The following KASH5 variants were observed in gnomAD, a reference collection of about 807,000 sequenced individuals.
The protein encoded by KASH5 is protein KASH5.
Under a neutral mutation model 84.2 loss-of-function variants are expected in KASH5, and 72 were observed. The ratio of observed to expected loss-of-function variants is 0.85; its 90% confidence interval spans 0.71 to 1.04. The LOEUF (loss-of-function observed/expected upper bound fraction) is 1.04, where lower values mean the gene tolerates loss of function less well. Among genes scored for constraint, KASH5 ranks in the 50% least tolerant of loss-of-function variants. The pLI is 0.00. For synonymous variants in KASH5, 260 were observed against 279.1 expected (o/e 0.93, Z 0.68); for missense variants, 650 against 701.0 (o/e 0.93, Z 0.82).
At position 49,407,263 on chromosome 19, in the gene KASH5, C is replaced by A. The variant is rs759541524; in HGVS notation, c.900C>A (p.His300Gln). The A allele has an allele frequency of 1.9e-6, 3 of 1,613,754 alleles. No individual in the cohort carries two copies. Among genetic ancestry groups the A allele is most frequent in the Non-Finnish European group, 2.5e-6 (3 of 1,179,842 alleles). Residue 300 changes from histidine (H) to glutamine (Q), a missense_variant, in exon 11 of 20, where the codon CAC (histidine) becomes CAA (glutamine). By Grantham distance (24) the His-to-Gln change is conservative. Transcript: ENST00000447857. ...TLKRQLFECEHLICQRDTILS... is the reference protein window; with the variant it reads ...TLKRQLFECEQLICQRDTILS... ...AGCGGCAGCTCTTTGAGTGTGAACACCTCATTTGCCAAAGAGACACCATCC... is the reference window on the plus strand; with the variant it reads ...AGCGGCAGCTCTTTGAGTGTGAACAACTCATTTGCCAAAGAGACACCATCC...
chr19:49,407,191 AG>A, intron 10 of KASH5, 48 bp from the exon 11 acceptor site: 1 of 1,601,102 alleles, frequency 6.2e-7, no homozygotes, highest in Non-Finnish European at 8.6e-7. Flanking sequence ...GGCAGGACCA[AG>A]GGGAGTCCTG....
In KASH5 at chr19:49,406,788, G is replaced by A. The variant is rs150727884; in HGVS notation, c.799-98G>A. The A allele has an allele frequency of 6.3e-4, 659 of 1,042,792 alleles. 3 individuals carry two copies. The African/African-American group carries it at 9.2e-3, about 15-fold the overall frequency. 64.6% of individuals were successfully genotyped at this position (1,042,792 alleles called of 1,614,324 possible). A position where few individuals can be genotyped will look rare whatever the true frequency, so the allele number is the denominator to read the frequency against. The stretch of plus-strand genomic sequence containing the variant: ...AAACATATGAAGTGCTTAGCATGAG[G>A]CCTGATGTATATCAATCAAGTGTTT... On this transcript the variant is annotated intron_variant, in intron 9 of 19. Coordinates refer to ENST00000447857, the MANE Select transcript of KASH5 (RefSeq NM_144688.5).
intron 14 of KASH5, 80 bp from the exon 15 acceptor site, chr19:49,409,673 C>T: frequency 6.3e-7 from 1 of 1,583,406 alleles, no homozygotes; most frequent in Non-Finnish European, 8.7e-7. Context: ...CAGCCGCACA[C>T]CTAAACCTAT....
At chr19:49,406,630 C>T (rs549315927) in intron 9 of KASH5, among the ~76,000 whole-genome samples, 6 of 152,216 alleles carry the variant, frequency 3.9e-5, no homozygotes, top group Non-Finnish European at 7.3e-5. Context: ...CCGCCTCAGC[C>T]TCCCAAAGTG....
At chr19:49,403,416 G>A (rs1208951032) in intron 9 of KASH5, among the ~76,000 whole-genome samples, 1 of 151,888 alleles carries the variant, frequency 6.6e-6, no homozygotes, top group African/African-American at 2.4e-5. Flanking sequence ...TGCCCCTCTC[G>A]TGGCTCCTTT....
In KASH5 at chr19:49,399,280, A is replaced by G; in HGVS notation, c.747+138A>G. On this transcript the variant is annotated intron_variant, in intron 8 of 19. Coordinates refer to ENST00000447857, the MANE Select transcript of KASH5 (RefSeq NM_144688.5). This position sits in a 1 kb window ranked among gnomAD's most constrained non-coding sequence, Gnocchi z 4.4. ...CCTCTCTCCAGGCCCTGCTCACCCTAGACTTTTTCAAGCTTACCTGCCATC... is the reference window on the plus strand; with the variant it reads ...CCTCTCTCCAGGCCCTGCTCACCCTGGACTTTTTCAAGCTTACCTGCCATC... 3.1e-6 allele frequency: 3 copies of G among 953,684 alleles called. No individual in the cohort carries two copies. Among genetic ancestry groups the G allele is most frequent in the South Asian group, 1.6e-5 (1 of 60,750 alleles). 59.1% of individuals were successfully genotyped at this position (953,684 alleles called of 1,614,324 possible).
chr19:49,391,068 G>T (rs920901656), intron 2 of KASH5, 142 bp downstream of exon 2: 2 of 880,694 alleles, frequency 2.3e-6, no homozygotes, highest in Non-Finnish European at 3.5e-6. Flanking sequence ...GGAAGGGAGG[G>T]AAGGGACTCT....
intron 9 of KASH5, among the ~76,000 whole-genome samples, chr19:49,403,997 G>C (rs1974448114): frequency 6.6e-6 from 1 of 152,246 alleles, no homozygotes; most frequent in Non-Finnish European, 1.5e-5. Flanking sequence ...CTACAGAGCT[G>C]TCTCAGGTTA....
intron 1 of KASH5, chr19:49,389,545 C>A (rs925932984): frequency 6.6e-6 from 1 of 152,460 alleles, no homozygotes; most frequent in Admixed American, 6.5e-5. Flanking sequence ...CCATCGCCCC[C>A]CTTTGCACCC....
In KASH5 at chr19:49,416,234, C is replaced by G. The variant is rs892400309; in HGVS notation, c.1375-781C>G. Reference sequence around the variant, plus strand: ...TTTGAGATGGAGTCTTGCTCTGTCGCCAGGCTGGAGTGCAGTGGTGCGATC... The same window carrying G: ...TTTGAGATGGAGTCTTGCTCTGTCGGCAGGCTGGAGTGCAGTGGTGCGATC... On this transcript the variant is annotated intron_variant, in intron 17 of 19. Coordinates refer to ENST00000447857, the MANE Select transcript of KASH5 (RefSeq NM_144688.5). This position sits in a 1 kb window ranked among gnomAD's most constrained non-coding sequence, Gnocchi z 5.4. 4.6e-5 allele frequency among the ~76,000 whole-genome samples: 7 copies of G among 152,178 alleles called. No homozygotes were observed. The highest frequency in any genetic ancestry group is 1.7e-4 in the African/African-American group (7 of 41,438).
intron 7 of KASH5, 44 bp downstream of exon 7, chr19:49,398,187 C>G (rs1175445731): frequency 2.0e-6 from 3 of 1,510,102 alleles, no homozygotes; most frequent in Non-Finnish European, 2.7e-6. Flanking sequence ...CCCCTGCCTC[C>G]GTCCTCCCTG....
intron 15 of KASH5, among the ~76,000 whole-genome samples, chr19:49,411,967 GGAAGGAAAGAAGGA>G (rs1443845090): frequency 0.018 from 2,255 of 124,740 alleles, 56 homozygotes; most frequent in African/African-American, 0.056. Flanking sequence ...AAGGAAGGAA[GGAAGGAAAGAAGGA>G]AGCCAGCCTT....
intron 2 of KASH5, chr19:49,393,234 G>A (rs1312276560): frequency 6.6e-6 from 1 of 152,154 alleles, no homozygotes; most frequent in African/African-American, 2.4e-5. Flanking sequence ...GCTCAGAAAA[G>A]GCCTGGCACC....
chr19:49,404,550 G>A (rs532526187), intron 9 of KASH5, among the ~76,000 whole-genome samples: 2 of 152,254 alleles, frequency 1.3e-5, no homozygotes, highest in East Asian at 3.9e-4. Flanking sequence ...AGCCCACCTC[G>A]TGCATTGTTA....
Position 49,395,392 on chromosome 19 carries a change from C to T in KASH5, c.335+100C>T. ...AGCATCCTTTAGGCCCAAGGACCTA[C>T]TGTGTTTGGAATGAGGCTGTGGAGA... is the stretch of plus-strand genomic sequence containing the variant. On this transcript the variant is annotated intron_variant, in intron 4 of 19. Coordinates refer to ENST00000447857, the MANE Select transcript of KASH5 (RefSeq NM_144688.5). The surrounding 1 kb of genome is among the most constrained non-coding windows in gnomAD (Gnocchi z 4.4). 7.7e-7 allele frequency: 1 copy of T among 1,292,844 alleles called. No homozygotes were observed. Among genetic ancestry groups the T allele is most frequent in the Non-Finnish European group, 1.1e-6 (1 of 921,048 alleles). 80.1% of individuals were successfully genotyped at this position (1,292,844 alleles called of 1,614,324 possible).
At position 49,397,727 on chromosome 19, in the gene KASH5, C is replaced by T. The variant is rs1319913379; in HGVS notation, c.467+10C>T. 1 of 1,613,136 alleles carries T rather than the reference C, an allele frequency of 6.2e-7. No homozygotes were observed. Among genetic ancestry groups the T allele is most frequent in the Non-Finnish European group, 8.5e-7 (1 of 1,179,562 alleles). On this transcript the variant is annotated intron_variant, in intron 6 of 19. Transcript: ENST00000447857. ...ACCCCAGACCCGAGCTGTACCTATC[C>T]TCACACCCCTCCCTGACCCTCCTGC...
intron 9 of KASH5, among the ~76,000 whole-genome samples, chr19:49,405,956 CAAAAAAAA>C (rs59895865): frequency 2.9e-5 from 2 of 67,832 alleles, no homozygotes; most frequent in South Asian, 5.4e-4. Context: ...AACTCCGTCT[CAAAAAAAA>C]AAAAAAAAAA....
intron 2 of KASH5, chr19:49,391,776 A>T (rs977776454): frequency 6.6e-6 from 1 of 152,148 alleles, no homozygotes; most frequent in Non-Finnish European, 1.5e-5. Context: ...GAGTGAACGG[A>T]CGGATGTAGG....
At chr19:49,410,502 G>A (rs1327777996) in intron 15 of KASH5, among the ~76,000 whole-genome samples, 1 of 53,314 alleles carries the variant, frequency 1.9e-5, no homozygotes, top group Non-Finnish European at 3.8e-5. Flanking sequence ...TTTTTTTTTT[G>A]AGATGGAGTC....
Sources: gnomAD v4.1 joint callset for allele counts (sites outside exome capture counted in the v4.1 genomes callset) on GRCh38, gnomAD v4.1.1 for gene constraint, Gnocchi (gnomAD v3.1) non-coding constraint, MANE v1.5 for transcripts, NCBI Gene and HGNC (gene_info 2026-07-23, HGNC 2026-07-21) for gene names.